Variants in ZNF469 observed in about 807,000 individuals in gnomAD.
ZNF469 encodes zinc finger protein 469.
ZNF469 carries 1 observed loss-of-function variant against 1.0 expected under a neutral mutation model. The observed-to-expected ratio is 1.00, with a 90% CI of 0.35 to 4.73. The LOEUF is 4.73. Ranked by LOEUF, ZNF469 falls within the 30% of genes most tolerant of loss-of-function variation. The pLI is 0.16. For missense variants in ZNF469, 6,100 were observed against 5,356.3 expected (o/e 1.14, Z -4.33); for synonymous variants, 2,703 against 2,363.4 (o/e 1.14, Z -4.17).
chr16:88,339,996 G>A, the ZNF469 span, among the ~76,000 whole-genome samples: 1 of 152,010 alleles, frequency 6.6e-6, no homozygotes, highest in African/African-American at 2.4e-5. Flanking sequence ...TACAAACCTT[G>A]GTCATCTTCT....
At chr16:88,313,033 A>G in the ZNF469 span, among the ~76,000 whole-genome samples, 1 of 152,186 alleles carries the variant, frequency 6.6e-6, no homozygotes, top group Non-Finnish European at 1.5e-5. Flanking sequence ...GATAACTGAC[A>G]TATTTGTTAT....
chr16:88,338,423 G>T, the ZNF469 span, among the ~76,000 whole-genome samples: 1 of 152,192 alleles, frequency 6.6e-6, no homozygotes, highest in Admixed American at 6.5e-5. Context: ...TGCCCTGGTC[G>T]ACTTGATGAG....
the ZNF469 span, among the ~76,000 whole-genome samples, chr16:88,133,428 C>T: frequency 0.023 from 3,452 of 149,850 alleles, no homozygotes; most frequent in African/African-American, 0.081. Context: ...GAAACCGCAG[C>T]TCACACAGAT....
chr16:88,212,341 T>A, the ZNF469 span, among the ~76,000 whole-genome samples: 1 of 152,208 alleles, frequency 6.6e-6, no homozygotes, highest in Admixed American at 6.5e-5. Context: ...ACTTCACTTA[T>A]ACACAGTGTC....
chr16:88,102,145 G>A, the ZNF469 span, among the ~76,000 whole-genome samples: 1 of 149,022 alleles, frequency 6.7e-6, no homozygotes, highest in Non-Finnish European at 1.5e-5. Flanking sequence ...CCCATGTGCT[G>A]GTGATTTATC....
At chr16:88,369,150 G>A in the ZNF469 span, among the ~76,000 whole-genome samples, 1 of 151,716 alleles carries the variant, frequency 6.6e-6, no homozygotes, top group African/African-American at 2.4e-5. Context: ...GCATCCTTGG[G>A]CGCCATCCTG....
chr16:88,108,610 G>C, the ZNF469 span, among the ~76,000 whole-genome samples: 2 of 152,198 alleles, frequency 1.3e-5, no homozygotes, highest in African/African-American at 2.4e-5. Flanking sequence ...AGAACTCTCG[G>C]CTCAAGGGTC....
At chr16:88,322,613 C>T in the ZNF469 span, among the ~76,000 whole-genome samples, 1 of 152,190 alleles carries the variant, frequency 6.6e-6, no homozygotes, top group Non-Finnish European at 1.5e-5. Flanking sequence ...CCAGAGCAGG[C>T]GGCACCACCA....
At chr16:88,193,181 T>G in the ZNF469 span, among the ~76,000 whole-genome samples, 2 of 15,526 alleles carry the variant, frequency 1.3e-4, no homozygotes, top group Non-Finnish European at 1.3e-4. Context: ...GGGATGGTGG[T>G]GATGGTGGTG....
chr16:88,105,000 G>A, the ZNF469 span, among the ~76,000 whole-genome samples: 2 of 152,184 alleles, frequency 1.3e-5, no homozygotes, highest in African/African-American at 4.8e-5. Context: ...AGGATCACTT[G>A]AGTCCAGGAG....
the ZNF469 span, among the ~76,000 whole-genome samples, chr16:88,369,242 A>T: frequency 6.6e-6 from 1 of 152,272 alleles, no homozygotes; most frequent in Non-Finnish European, 1.5e-5. Flanking sequence ...CTGGGGAATA[A>T]ACCCCTCCCT....
At chr16:88,267,346 C>T in the ZNF469 span, among the ~76,000 whole-genome samples, 1,032 of 152,324 alleles carry the variant, frequency 6.8e-3, 6 homozygotes, top group African/African-American at 0.024. Context: ...TCTTGCCCAG[C>T]CTCACTTCGG....
At chr16:88,309,886 G>A in the ZNF469 span, among the ~76,000 whole-genome samples, 27 of 152,320 alleles carry the variant, frequency 1.8e-4, no homozygotes, top group South Asian at 4.1e-4. Flanking sequence ...AACAACCCAC[G>A]TGGCAGGAGT....
the ZNF469 span, among the ~76,000 whole-genome samples, chr16:88,342,116 G>A: frequency 7.2e-5 from 11 of 152,110 alleles, no homozygotes; most frequent in African/African-American, 1.7e-4. Context: ...GGGAGAGGCC[G>A]GGCAGGGGCT....
At chr16:88,260,765 G>GA in the ZNF469 span, among the ~76,000 whole-genome samples, 21 of 152,094 alleles carry the variant, frequency 1.4e-4, no homozygotes, top group African/African-American at 4.6e-4. This position sits in a 1 kb window ranked among gnomAD's most constrained non-coding sequence, Gnocchi z 4.1. Flanking sequence ...ACTTTACACA[G>GA]AAAAAAAGGG....
chr16:88,200,134 A>G, the ZNF469 span, among the ~76,000 whole-genome samples: 1 of 151,560 alleles, frequency 6.6e-6, no homozygotes, highest in African/African-American at 2.4e-5. Context: ...GCCGAAGAGA[A>G]CACGGCAGTG....
chr16:88,326,647 G>A, the ZNF469 span, among the ~76,000 whole-genome samples: 2 of 152,098 alleles, frequency 1.3e-5, no homozygotes, highest in African/African-American at 2.4e-5. Flanking sequence ...AGTGCCTGAC[G>A]CAGGCACTCA....
the ZNF469 span, among the ~76,000 whole-genome samples, chr16:88,166,234 A>T: frequency 6.6e-6 from 1 of 152,248 alleles, no homozygotes; most frequent in South Asian, 2.1e-4. The surrounding 1 kb of genome is among the most constrained non-coding windows in gnomAD (Gnocchi z 4.5). Flanking sequence ...CCTAAATTCC[A>T]TTAACAGTGA....
intron 1 of ZNF469, among the ~76,000 whole-genome samples, chr16:88,390,388 G>A (rs1250727788): frequency 6.6e-6 from 1 of 152,210 alleles, no homozygotes; most frequent in Non-Finnish European, 1.5e-5. Flanking sequence ...GCAGTCAGAG[G>A]GGTTGGGGGA....
Sources: gnomAD v4.1 joint callset for allele counts (sites outside exome capture counted in the v4.1 genomes callset) on GRCh38, gnomAD v4.1.1 for gene constraint, Gnocchi (gnomAD v3.1) non-coding constraint, MANE v1.5 for transcripts, NCBI Gene and HGNC (gene_info 2026-07-23, HGNC 2026-07-21) for gene names.